The following CCDC50 variants were observed in gnomAD, a reference collection of about 807,000 sequenced individuals.
CCDC50 encodes coiled-coil domain-containing protein 50.
CCDC50 carries 54 observed loss-of-function variants against 70.2 expected under a neutral mutation model. That is an observed-to-expected ratio of 0.77 (90% CI 0.62 to 0.96). CCDC50 has a LOEUF of 0.96. CCDC50 is among the 50% of genes least tolerant of loss of function. CCDC50 has a pLI of 0.00. For missense variants in CCDC50, 558 were observed against 578.7 expected, an observed-to-expected ratio of 0.96 and a Z score of 0.37; for synonymous variants, 216 against 198.8, an observed-to-expected ratio of 1.09 and a Z score of -0.73.
chr3:191,380,129 AT>A, intron 6 of CCDC50, 29 bp from the exon 7 acceptor site: 1 of 1,320,604 alleles, frequency 7.6e-7, no homozygotes, highest in South Asian at 1.3e-5. Flanking sequence ...CGGTTGTTTT[AT>A]TACATTGAGT....
intron 1 of CCDC50, among the ~76,000 whole-genome samples, chr3:191,355,137 A>G (rs756077939): frequency 2.0e-5 from 3 of 152,152 alleles, no homozygotes; most frequent in Non-Finnish European, 4.4e-5. Context: ...ATAGATTGCC[A>G]CCCATAATTT....
chr3:191,337,828 CG>C (rs1711570031), intron 1 of CCDC50, among the ~76,000 whole-genome samples: 1 of 151,522 alleles, frequency 6.6e-6, no homozygotes, highest in African/African-American at 2.4e-5. Context: ...TGTTTCCTTA[CG>C]TTTTTTTTTT....
At chr3:191,331,873 T>C (rs1444495069) in intron 1 of CCDC50, among the ~76,000 whole-genome samples, 2 of 152,218 alleles carry the variant, frequency 1.3e-5, no homozygotes, top group Admixed American at 1.3e-4. Context: ...TGTGGTAATA[T>C]TGAAACTCCA....
Position 191,349,461 on chromosome 3 carries a change from ATGAGGGCAAG to A in CCDC50, c.50-7624_50-7615del, listed in dbSNP as rs1370237422. ...GGATGTTGAAAAGAGGGTTAGAGAG[ATGAGGGCAAG>A]TGGTAGGTCCCAAAGAGAGATTTCC... On this transcript the variant is annotated intron_variant, in intron 1 of 11. Transcript: ENST00000392455. Among the ~76,000 whole-genome samples, 12 of 141,932 alleles carry A rather than the reference ATGAGGGCAAG, an allele frequency of 8.5e-5. 3 individuals are homozygous for A. In the Admixed American group the frequency reaches 8.7e-4, roughly 10 times the overall value. The allele number at this position is 141,932 out of a possible 152,430, so 93.1% of individuals were successfully genotyped here. A position where few individuals can be genotyped will look rare whatever the true frequency, so the allele number is the denominator to read the frequency against.
intron 11 of CCDC50, among the ~76,000 whole-genome samples, chr3:191,390,066 T>C (rs1235522389): frequency 6.6e-6 from 1 of 151,950 alleles, no homozygotes; most frequent in Non-Finnish European, 1.5e-5. Context: ...TTTTACCATG[T>C]CACCCCAGGC....
chr3:191,358,044 G>C lies in CCDC50; in HGVS notation c.159G>C (p.Gln53His). ...ACGTTCAGCGGAACCGTTTGGTCCAGCATGATCTCCAGGTGGCTAAGCAGC... is the reference window on the plus strand; with the variant it reads ...ACGTTCAGCGGAACCGTTTGGTCCACCATGATCTCCAGGTGGCTAAGCAGC... The part of the protein sequence containing the change: ...ASNVQRNRLV[Q>H]HDLQVAKQLQ... Residue 53 changes from glutamine (Q) to histidine (H), a missense_variant, in exon 3 of 12, where the codon CAG becomes CAC. By Grantham distance (24) the Gln-to-His change is conservative. Coordinates refer to ENST00000392455, the MANE Select transcript of CCDC50 (RefSeq NM_178335.3). The C allele has an allele frequency of 6.2e-7, 1 of 1,614,024 alleles. No homozygotes were observed. The highest frequency in any genetic ancestry group is 8.5e-7 in the Non-Finnish European group (1 of 1,179,904).
chr3:191,334,428 G>A (rs1310730033), intron 1 of CCDC50, among the ~76,000 whole-genome samples: 3 of 152,114 alleles, frequency 2.0e-5, no homozygotes, highest in Non-Finnish European at 4.4e-5. Context: ...CGACTCACAC[G>A]TGGGAAACCA....
Position 191,389,494 on chromosome 3 carries a change from A to G in CCDC50, c.1323-2A>G. 6.2e-7 allele frequency: 1 copy of G among 1,613,062 alleles called. No homozygotes were observed. Among genetic ancestry groups the G allele is most frequent in the Non-Finnish European group, 8.5e-7 (1 of 1,179,048 alleles). ...CCCCTTTAAATTCTGGATTCCTTTT[A>G]GGCCACCACCACCTATCATGACAGA... is the stretch of plus-strand genomic sequence containing the variant. On this transcript the variant is annotated splice_acceptor_variant, in intron 10 of 11. Coordinates refer to ENST00000392455, the MANE Select transcript of CCDC50 (RefSeq NM_178335.3). LOFTEE classifies it high-confidence loss of function.
chr3:191,355,675 G>A (rs752922691), intron 1 of CCDC50, among the ~76,000 whole-genome samples: 3 of 152,030 alleles, frequency 2.0e-5, no homozygotes, highest in Admixed American at 6.6e-5. Context: ...GAAACATAAG[G>A]TAACTAGGAC....
intron 1 of CCDC50, among the ~76,000 whole-genome samples, chr3:191,344,022 T>C (rs945447997): frequency 2.0e-5 from 3 of 152,146 alleles, no homozygotes; most frequent in East Asian, 1.9e-4. Flanking sequence ...AGAAGCAGCA[T>C]AGGAGAAATG....
At chr3:191,389,675 C>T in intron 11 of CCDC50, 73 bp downstream of exon 11, 1 of 1,146,684 alleles carries the variant, frequency 8.7e-7, no homozygotes. Context: ...GTGGAAAAAT[C>T]AAATTCTGTG....
At chr3:191,349,966 A>ACACC (rs1712049355) in intron 1 of CCDC50, among the ~76,000 whole-genome samples, 2 of 105,618 alleles carry the variant, frequency 1.9e-5, no homozygotes, top group Non-Finnish European at 2.2e-5. Flanking sequence ...ATTTAATAAT[A>ACACC]CCCCCCCCCT....
At position 191,375,276 on chromosome 3, in the gene CCDC50, G is replaced by A; in HGVS notation, c.663G>A (p.Glu221=). ...KGRDNPHINN[E]QHERKRSTQE... ...GGGACAATCCCCATATTAACAATGA[G>A]CAGCATGAAAGGAAACGGTCCACTC... The change falls in exon 6 of 12, where the codon GAG becomes GAA. Residue 221 remains glutamate, a synonymous_variant. Transcript: ENST00000392455. 1 of 1,613,768 alleles carries A rather than the reference G, an allele frequency of 6.2e-7. No individual in the cohort carries two copies. The highest frequency in any genetic ancestry group is 8.5e-7 in the Non-Finnish European group (1 of 1,179,816).
At chr3:191,387,859 A>G (rs1488383176) in intron 10 of CCDC50, among the ~76,000 whole-genome samples, 1 of 152,130 alleles carries the variant, frequency 6.6e-6, no homozygotes, top group Non-Finnish European at 1.5e-5. Flanking sequence ...TTAATAAAAG[A>G]GAGAAGAACA....
rs1417704665 is a variant in CCDC50, at chr3:191,396,028, C to T, written c.*4268C>T. The T allele has an allele frequency of 2.6e-5, 4 of 152,002 alleles. No individual in the cohort carries two copies. Among genetic ancestry groups the T allele is most frequent in the Admixed American group, 6.6e-5 (1 of 15,258 alleles). The allele number at this position is 152,002 out of a possible 1,614,324, so 9.4% of individuals were successfully genotyped here. A position where few individuals can be genotyped will look rare whatever the true frequency, so the allele number is the denominator to read the frequency against. On this transcript the variant is annotated 3_prime_UTR_variant, in exon 12 of 12. Coordinates refer to ENST00000392455, the MANE Select transcript of CCDC50 (RefSeq NM_178335.3). ...GTGGAAGAATCTCTTTTATCCATGG[C>T]GAGAGGTAAGAATATTAAAGAGTCA... is the stretch of plus-strand genomic sequence containing the variant.
chr3:191,388,674 C>A (rs1713581320), intron 10 of CCDC50, among the ~76,000 whole-genome samples: 1 of 152,158 alleles, frequency 6.6e-6, no homozygotes, highest in African/African-American at 2.4e-5. Context: ...TATAACTTTA[C>A]AAACTTCAGA....
At chr3:191,329,948 G>T (rs999248036) in intron 1 of CCDC50, among the ~76,000 whole-genome samples, 26 of 143,594 alleles carry the variant, frequency 1.8e-4, no homozygotes, top group Admixed American at 4.2e-4. Flanking sequence ...TGGTTGGGGG[G>T]GGGGGGGGCT....
At chr3:191,331,840 A>G (rs750298322) in intron 1 of CCDC50, among the ~76,000 whole-genome samples, 8 of 152,212 alleles carry the variant, frequency 5.3e-5, no homozygotes, top group Non-Finnish European at 1.0e-4. Flanking sequence ...CTGATAGGGT[A>G]AAACATGTGC....
intron 5 of CCDC50, among the ~76,000 whole-genome samples, chr3:191,370,497 T>G (rs1282821233): frequency 4.2e-5 from 6 of 144,212 alleles, no homozygotes; most frequent in Admixed American, 2.1e-4. Flanking sequence ...TTTTTTTTTT[T>G]GTTTTTTTTG....
Sources: allele counts gnomAD v4.1 joint callset (sites outside exome capture counted in the v4.1 genomes callset), GRCh38; gene constraint gnomAD v4.1.1; transcripts MANE v1.5; gene names NCBI Gene and HGNC (gene_info 2026-07-23, HGNC 2026-07-21).